Variants in PCDHA3 observed in about 807,000 individuals in gnomAD.
PCDHA3 encodes the protein protocadherin alpha 3.
Under a neutral mutation model 62.2 loss-of-function variants are expected in PCDHA3, and 41 were observed. The ratio of observed to expected loss-of-function variants is 0.66; its 90% CI spans 0.51 to 0.86. PCDHA3 has a LOEUF of 0.86. PCDHA3 is among the 40% of genes least tolerant of loss of function. PCDHA3 has a pLI of 0.00. For synonymous variants in PCDHA3, 640 were observed against 555.4 expected (o/e 1.15, Z -2.14); for missense variants, 1,304 against 1,241.2 (o/e 1.05, Z -0.76).
intron 1 of PCDHA3, among the ~76,000 whole-genome samples, chr5:140,899,684 G>T (rs1554188704): frequency 6.6e-6 from 1 of 152,154 alleles, no homozygotes; most frequent in African/African-American, 2.4e-5. Context: ...TCAGGATGAT[G>T]CTGGCCTCAT....
At chr5:140,956,474 C>G (rs1585669580) in intron 1 of PCDHA3, among the ~76,000 whole-genome samples, 1 of 152,160 alleles carries the variant, frequency 6.6e-6, no homozygotes, top group East Asian at 1.9e-4. Flanking sequence ...ATATGTTGAA[C>G]CAGTCTTGCA....
chr5:140,969,536 C>A, intron 1 of PCDHA3: 1 of 1,332,634 alleles, frequency 7.5e-7, no homozygotes, highest in South Asian at 1.6e-5. Flanking sequence ...TTTTCATTTT[C>A]AGAGGCATGA....
At chr5:140,954,427 C>T (rs545024696) in intron 1 of PCDHA3, among the ~76,000 whole-genome samples, 1 of 152,200 alleles carries the variant, frequency 6.6e-6, no homozygotes, top group Admixed American at 6.5e-5. Context: ...CCTTTTTCTC[C>T]ATCTGTTGTT....
chr5:140,949,636 T>A (rs1047386786), intron 1 of PCDHA3, among the ~76,000 whole-genome samples: 1 of 151,898 alleles, frequency 6.6e-6, no homozygotes, highest in Admixed American at 6.6e-5. Context: ...GGCATATTGC[T>A]TTTTGTTCAT....
intron 1 of PCDHA3, among the ~76,000 whole-genome samples, chr5:140,913,040 G>T (rs1554195697): frequency 1.3e-5 from 2 of 152,022 alleles, no homozygotes; most frequent in African/African-American, 4.8e-5. Flanking sequence ...AGATATATTG[G>T]CCTGGAGTTT....
At chr5:140,845,550 G>C (rs185907796) in intron 1 of PCDHA3, among the ~76,000 whole-genome samples, 1 of 149,478 alleles carries the variant, frequency 6.7e-6, no homozygotes, top group East Asian at 1.9e-4. Flanking sequence ...TTATGGTGAT[G>C]CTTTTAGCTA....
intron 1 of PCDHA3, among the ~76,000 whole-genome samples, chr5:140,826,625 C>T (rs1180979712): frequency 6.6e-6 from 1 of 151,940 alleles, no homozygotes; most frequent in South Asian, 2.1e-4. Context: ...TGATATTTGG[C>T]CCTGACTTTT....
Position 140,849,460 on chromosome 5 carries a change from C to T in PCDHA3, c.2394+45869C>T, listed in dbSNP as rs144662587. The T allele has an allele frequency of 6.9e-6, 11 of 1,588,102 alleles. 3 individuals are homozygous for T. Among genetic ancestry groups the T allele is most frequent in the Non-Finnish European group, 9.5e-6 (11 of 1,161,646 alleles). On this transcript the variant is annotated intron_variant, in intron 1 of 3. Transcript: ENST00000522353. ...AGAGCACACAAGATCCCAGTCGAGG[C>T]TGTCGATAAAGGCTTCCCACCCCTG...
intron 1 of PCDHA3, chr5:140,828,701 G>A (rs1769895865): frequency 1.2e-6 from 2 of 1,614,104 alleles, no homozygotes. Context: ...GGACAGAGAG[G>A]AAGCTCCTGC....
At chr5:140,954,864 G>A (rs2095103058) in intron 1 of PCDHA3, among the ~76,000 whole-genome samples, 1 of 152,074 alleles carries the variant, frequency 6.6e-6, no homozygotes, top group Admixed American at 6.5e-5. Context: ...TGTCCTGAAT[G>A]GTATTGCCTA....
intron 3 of PCDHA3, among the ~76,000 whole-genome samples, chr5:140,984,251 T>C (rs1164028325): frequency 6.6e-6 from 1 of 152,210 alleles, no homozygotes; most frequent in Non-Finnish European, 1.5e-5. Flanking sequence ...GTCGACCTGG[T>C]AAGCCACAAA....
At chr5:140,945,372 T>C (rs1554216918) in intron 1 of PCDHA3, among the ~76,000 whole-genome samples, 1 of 152,088 alleles carries the variant, frequency 6.6e-6, no homozygotes, top group Non-Finnish European at 1.5e-5. Flanking sequence ...AATGTCCATA[T>C]TACCCAAAGC....
At chr5:140,864,602 A>T (rs1472168357) in intron 1 of PCDHA3, 2 of 152,210 alleles carry the variant, frequency 1.3e-5, no homozygotes, top group African/African-American at 4.8e-5. Flanking sequence ...CAGATAGCCA[A>T]CAACTTTGTT....
intron 1 of PCDHA3, among the ~76,000 whole-genome samples, chr5:140,939,663 C>T (rs1282923741): frequency 6.6e-6 from 1 of 152,116 alleles, no homozygotes; most frequent in Non-Finnish European, 1.5e-5. Context: ...ACAGGAATAA[C>T]CAACTTGTAT....
chr5:140,839,760 C>T (rs1554137571), intron 1 of PCDHA3, among the ~76,000 whole-genome samples: 1 of 151,820 alleles, frequency 6.6e-6, no homozygotes, highest in Admixed American at 6.6e-5. Flanking sequence ...CCTATTTAAC[C>T]TACGTTTTTG....
At position 140,940,270 on chromosome 5, in the gene PCDHA3, G is replaced by A. The variant is rs1236320412; in HGVS notation, c.2395-38679G>A. Among the ~76,000 whole-genome samples, 4 of 152,094 alleles carry A rather than the reference G, an allele frequency of 2.6e-5. No homozygotes were observed. In the East Asian group the frequency reaches 7.7e-4, roughly 29 times the overall value. ...TCCTCAATATCTTCTGGGTTCCACT[G>A]TTGTCTCATTGTGCTGCTTCATCAG... On this transcript the variant is annotated intron_variant, in intron 1 of 3. Transcript: ENST00000522353.
chr5:140,874,359 G>T (rs1456899858), intron 1 of PCDHA3, among the ~76,000 whole-genome samples: 1 of 152,176 alleles, frequency 6.6e-6, no homozygotes, highest in East Asian at 1.9e-4. Context: ...TTGAATTAAT[G>T]AATAAACTCA....
chr5:140,861,090 T>C (rs1449145259), intron 1 of PCDHA3: 1 of 152,308 alleles, frequency 6.6e-6, no homozygotes, highest in African/African-American at 2.4e-5. Flanking sequence ...GAAGCTCCAT[T>C]GTTCCTGTAC....
chr5:140,830,775 A>T, intron 1 of PCDHA3: 1 of 167,192 alleles, frequency 6.0e-6, no homozygotes. Context: ...TCATAGTAGC[A>T]TTTTTTTCTG....
Sources: gnomAD v4.1 joint callset for allele counts (sites outside exome capture counted in the v4.1 genomes callset) on GRCh38, gnomAD v4.1.1 for gene constraint, MANE v1.5 for transcripts, NCBI Gene and HGNC (gene_info 2026-07-23, HGNC 2026-07-21) for gene names.